PREX2: variants seen among roughly 807,000 people sequenced by gnomAD.
The protein encoded by PREX2 is phosphatidylinositol 3,4,5-trisphosphate-dependent Rac exchanger 2 protein.
A neutral mutation model predicts 203.2 loss-of-function variants in PREX2; 107 were observed. The observed-to-expected ratio is 0.53, with a 90% CI of 0.45 to 0.62. The LOEUF is 0.62. PREX2 is among the 20% of genes least tolerant of loss of function. The pLI is 0.00. For missense variants in PREX2, 1,777 were observed against 1,955.9 expected, an observed-to-expected ratio of 0.91 and a Z score of 1.72; for synonymous variants, 672 against 663.6, an observed-to-expected ratio of 1.01 and a Z score of -0.19.
At chr8:68,194,907 A>AGTGTGCCCG (rs1554584425) in intron 37 of PREX2, among the ~76,000 whole-genome samples, 1 of 152,048 alleles carries the variant, frequency 6.6e-6, no homozygotes, top group Non-Finnish European at 1.5e-5. Flanking sequence ...GAAAGTGCCC[A>AGTGTGCCCG]GTGTGTTCAA....
chr8:67,970,072 G>A (rs769900607), intron 1 of PREX2, among the ~76,000 whole-genome samples: 1 of 152,176 alleles, frequency 6.6e-6, no homozygotes, highest in Non-Finnish European at 1.5e-5. Flanking sequence ...GATTCCGTAA[G>A]TATGGGAAAT....
At chr8:68,120,547 G>C (rs1389981672) in intron 29 of PREX2, among the ~76,000 whole-genome samples, 3 of 152,094 alleles carry the variant, frequency 2.0e-5, no homozygotes, top group Non-Finnish European at 1.5e-5. Context: ...GTTAATTGAA[G>C]ATACATAAAC....
chr8:68,208,050 T>C (rs1812669779), intron 37 of PREX2, among the ~76,000 whole-genome samples: 1 of 152,172 alleles, frequency 6.6e-6, no homozygotes, highest in African/African-American at 2.4e-5. Flanking sequence ...CCTGTGTTTG[T>C]ATTTATATCT....
At chr8:67,966,945 T>C (rs1277276459) in intron 1 of PREX2, among the ~76,000 whole-genome samples, 1 of 152,124 alleles carries the variant, frequency 6.6e-6, no homozygotes, top group African/African-American at 2.4e-5. Flanking sequence ...AGCTACAAGA[T>C]AAATGAGTAA....
intron 1 of PREX2, among the ~76,000 whole-genome samples, chr8:67,971,616 A>G (rs1198802834): frequency 6.6e-6 from 1 of 152,196 alleles, no homozygotes; most frequent in Non-Finnish European, 1.5e-5. Flanking sequence ...CCACTTATAA[A>G]ACTAAGAAGT....
intron 31 of PREX2, among the ~76,000 whole-genome samples, chr8:68,131,714 C>CT (rs917541149): frequency 1.3e-5 from 2 of 152,060 alleles, no homozygotes; most frequent in Admixed American, 6.6e-5. Context: ...TAGAAAAGAA[C>CT]TTTTTCACAA....
intron 22 of PREX2, 99 bp from the exon 23 acceptor site, chr8:68,099,583 A>G (rs1170497147): frequency 7.8e-6 from 9 of 1,156,958 alleles, no homozygotes; most frequent in Non-Finnish European, 1.1e-5. Context: ...TGATATGGCT[A>G]CTTTTGAAGT....
At chr8:68,041,574 T>A (rs556004898) in intron 7 of PREX2, among the ~76,000 whole-genome samples, 136 of 152,290 alleles carry the variant, frequency 8.9e-4, no homozygotes, top group African/African-American at 3.1e-3. Context: ...ATGAGTTTTT[T>A]AAAATTCCTT....
At chr8:68,189,918 G>A (rs574260884) in intron 35 of PREX2, among the ~76,000 whole-genome samples, 1 of 152,290 alleles carries the variant, frequency 6.6e-6, no homozygotes, top group South Asian at 2.1e-4. Context: ...ATAAAGATGA[G>A]CATAATTGTC....
chr8:68,108,181 A>G lies in PREX2; in HGVS notation c.2788A>G (p.Ser930Gly). 6.2e-7 allele frequency: 1 copy of G among 1,613,888 alleles called. No individual in the cohort carries two copies. The change falls in exon 24 of 40, where the codon AGC becomes GGC. Residue 930 changes from serine (S) to glycine (G), a missense_variant. Coordinates refer to ENST00000288368, the MANE Select transcript of PREX2 (RefSeq NM_024870.4). ...CAAATCTAAAATCTCCCCACTGCAC[A>G]GCAGTGATTTCTGCCCTACCAACTG... ...QAKSKISPLH[S>G]SDFCPTNCHV...
chr8:68,218,160 A>G (rs1035640329), intron 38 of PREX2, among the ~76,000 whole-genome samples: 1 of 152,128 alleles, frequency 6.6e-6, no homozygotes, highest in Non-Finnish European at 1.5e-5. Context: ...TGCCATACTC[A>G]GTGTGTACAT....
chr8:67,983,311 G>A (rs918130388), intron 1 of PREX2, among the ~76,000 whole-genome samples: 1 of 63,372 alleles, frequency 1.6e-5, no homozygotes, highest in Non-Finnish European at 3.4e-5. Flanking sequence ...AAAGAGACCT[G>A]CAGATGCAGG....
intron 25 of PREX2, chr8:68,114,294 C>T (rs780852105): frequency 3.5e-5 from 18 of 508,760 alleles, no homozygotes; most frequent in Admixed American, 7.9e-5. Context: ...ATGGAATATG[C>T]GTAAGAGGTA....
Position 68,225,826 on chromosome 8 carries a change from A to G in PREX2, c.4775+1200A>G, listed in dbSNP as rs539816039. ...ATTTTTACATACGCATTCTCCATCC[A>G]GCACCTTGGGAAGCATGGTATATTT... On this transcript the variant is annotated intron_variant, in intron 39 of 39. Transcript: ENST00000288368. 2.0e-5 allele frequency among the ~76,000 whole-genome samples: 3 copies of G among 152,336 alleles called. No homozygotes were observed. The East Asian group carries it at 5.8e-4, about 29-fold the overall frequency.
At chr8:67,986,557 G>A (rs1806432990) in intron 1 of PREX2, among the ~76,000 whole-genome samples, 1 of 152,210 alleles carries the variant, frequency 6.6e-6, no homozygotes, top group Non-Finnish European at 1.5e-5. Context: ...TGAGTCCTCT[G>A]TAATACTTTC....
chr8:68,148,246 CAATA>C (rs201596974), intron 34 of PREX2, among the ~76,000 whole-genome samples: 3 of 151,940 alleles, frequency 2.0e-5, no homozygotes, highest in Admixed American at 6.6e-5. Context: ...GACTCTGCTT[CAATA>C]AATAAATAAA....
At chr8:68,201,691 C>G (rs1462982077) in intron 37 of PREX2, among the ~76,000 whole-genome samples, 1 of 152,000 alleles carries the variant, frequency 6.6e-6, no homozygotes. Flanking sequence ...TTGGCAACAC[C>G]CTCACAAACA....
intron 1 of PREX2, among the ~76,000 whole-genome samples, chr8:68,000,078 C>T (rs988730759): frequency 1.3e-5 from 2 of 152,120 alleles, no homozygotes; most frequent in Non-Finnish European, 2.9e-5. Flanking sequence ...CCCTCTCTCA[C>T]CACTCCTACT....
intron 37 of PREX2, among the ~76,000 whole-genome samples, chr8:68,215,586 A>G (rs1812819262): frequency 6.6e-6 from 1 of 151,958 alleles, no homozygotes; most frequent in African/African-American, 2.4e-5. Context: ...CCAGGCTTGA[A>G]TGCAGTGGTG....
Sources: allele counts gnomAD v4.1 joint callset (sites outside exome capture counted in the v4.1 genomes callset), GRCh38; gene constraint gnomAD v4.1.1; transcripts MANE v1.5; gene names NCBI Gene and HGNC (gene_info 2026-07-23, HGNC 2026-07-21).